VWA3B: variants seen among roughly 807,000 people sequenced by gnomAD.
The protein encoded by VWA3B is von Willebrand factor A domain containing 3B.
VWA3B carries 138 observed loss-of-function variants against 158.3 expected under a neutral mutation model. The ratio of observed to expected loss-of-function variants is 0.87; its 90% CI spans 0.76 to 1.00. The LOEUF (loss-of-function observed/expected upper bound fraction) is 1.00. VWA3B is among the 50% of genes least tolerant of loss of function. VWA3B has a pLI of 0.00. For missense variants in VWA3B, 1,555 were observed against 1,565.1 expected, an observed-to-expected ratio of 0.99 and a Z score of 0.11; for synonymous variants, 596 against 587.3, an observed-to-expected ratio of 1.01 and a Z score of -0.21.
chr2:98,288,962 G>A (rs892011823), intron 22 of VWA3B, among the ~76,000 whole-genome samples: 6 of 152,036 alleles, frequency 3.9e-5, no homozygotes, highest in Non-Finnish European at 5.9e-5. Context: ...TTCACAGTAC[G>A]TGTTTAAAAT....
chr2:98,168,451 A>G (rs562655015), intron 8 of VWA3B, among the ~76,000 whole-genome samples: 2 of 152,212 alleles, frequency 1.3e-5, no homozygotes, highest in Admixed American at 6.6e-5. Context: ...TTTTCAAAAA[A>G]TTCTTTGAAT....
chr2:98,207,368 C>T (rs990446569), intron 12 of VWA3B: 3 of 484,626 alleles, frequency 6.2e-6, no homozygotes, highest in Non-Finnish European at 1.2e-5. Context: ...ATCATGGATC[C>T]CAACATTGTT....
chr2:98,145,728 T>C (rs1677124989), intron 7 of VWA3B, among the ~76,000 whole-genome samples: 1 of 143,716 alleles, frequency 7.0e-6, no homozygotes. Context: ...TTCCTGAGTG[T>C]TTTTTTTTTG....
intron 9 of VWA3B, among the ~76,000 whole-genome samples, chr2:98,184,275 C>T (rs1680834417): frequency 6.6e-6 from 1 of 152,256 alleles, no homozygotes; most frequent in Non-Finnish European, 1.5e-5. Flanking sequence ...AGAGACAAGA[C>T]ACCTTTCTCC....
chr2:98,179,323 A>G (rs1680272444), intron 8 of VWA3B: 1 of 471,198 alleles, frequency 2.1e-6, no homozygotes, highest in Non-Finnish European at 4.4e-6. Flanking sequence ...CTCAGGTAAC[A>G]TAACACAGTC....
At chr2:98,176,012 C>CA (rs1558636612) in intron 8 of VWA3B, among the ~76,000 whole-genome samples, 1 of 152,200 alleles carries the variant, frequency 6.6e-6, no homozygotes, top group Non-Finnish European at 1.5e-5. Flanking sequence ...AGACGAGCTT[C>CA]TCTCTCACAC....
chr2:98,168,376 TACACACAC>T (rs148619678), intron 8 of VWA3B, among the ~76,000 whole-genome samples: 24 of 145,522 alleles, frequency 1.6e-4, no homozygotes, highest in African/African-American at 3.1e-4. Flanking sequence ...TACACACACA[TACACACAC>T]ACACACACAC....
intron 2 of VWA3B, among the ~76,000 whole-genome samples, chr2:98,100,114 G>A (rs1201917974): frequency 1.3e-5 from 2 of 152,180 alleles, no homozygotes; most frequent in Non-Finnish European, 2.9e-5. Context: ...GTGATGTCAT[G>A]TTTCCTGGAT....
chr2:98,307,490 A>G (rs4851960), intron 26 of VWA3B, among the ~76,000 whole-genome samples: 65,530 of 151,902 alleles, frequency 0.43, 14,568 homozygotes, highest in Non-Finnish European at 0.5. Flanking sequence ...ACAGGCTATG[A>G]CCTAACGCTT....
intron 17 of VWA3B, among the ~76,000 whole-genome samples, chr2:98,235,550 C>T (rs1362449041): frequency 2.0e-5 from 3 of 152,142 alleles, no homozygotes; most frequent in East Asian, 1.9e-4. Flanking sequence ...CTCAGCCTCC[C>T]GAGTAGCTGG....
intron 21 of VWA3B, among the ~76,000 whole-genome samples, chr2:98,265,526 C>A (rs898445571): frequency 1.3e-5 from 2 of 152,046 alleles, no homozygotes; most frequent in Admixed American, 6.5e-5. Flanking sequence ...GTCTTTATAG[C>A]AGCATGATTT....
At chr2:98,229,903 A>G (rs1685209025) in intron 15 of VWA3B, 147 bp from the exon 16 acceptor site, 3 of 883,406 alleles carry the variant, frequency 3.4e-6, no homozygotes, top group South Asian at 2.3e-5. Context: ...ATAAATGACT[A>G]TTTTTATATT....
At chr2:98,244,761 A>G (rs1031803561) in intron 19 of VWA3B, among the ~76,000 whole-genome samples, 2 of 152,204 alleles carry the variant, frequency 1.3e-5, no homozygotes, top group Non-Finnish European at 2.9e-5. Context: ...ATTTGTCTAT[A>G]AAGGAATTGA....
At chr2:98,241,373 A>G (rs1232755374) in intron 19 of VWA3B, among the ~76,000 whole-genome samples, 14 of 151,892 alleles carry the variant, frequency 9.2e-5, no homozygotes. Flanking sequence ...TTAGCAGAGG[A>G]GAAATTAATT....
chr2:98,288,631 C>T (rs114070313), intron 22 of VWA3B, among the ~76,000 whole-genome samples: 159 of 152,214 alleles, frequency 1.0e-3, no homozygotes, highest in African/African-American at 3.3e-3. Context: ...TCATATAGTT[C>T]GCTATTTTAT....
chr2:98,144,855 C>A (rs143724318), intron 7 of VWA3B, among the ~76,000 whole-genome samples: 1 of 152,146 alleles, frequency 6.6e-6, no homozygotes, highest in Non-Finnish European at 1.5e-5. Context: ...CATGAGCCAC[C>A]GCGTTATCCC....
chr2:98,142,393 T>G (rs1676847729), intron 7 of VWA3B, among the ~76,000 whole-genome samples: 1 of 152,184 alleles, frequency 6.6e-6, no homozygotes, highest in South Asian at 2.1e-4. Flanking sequence ...AGGCTCCCTT[T>G]TATCTGAGAA....
intron 12 of VWA3B, among the ~76,000 whole-genome samples, chr2:98,211,363 T>G (rs1340358989): frequency 6.6e-6 from 1 of 152,214 alleles, no homozygotes; most frequent in South Asian, 2.1e-4. Flanking sequence ...TAAATTAATA[T>G]GTATCTAAAA....
chr2:98,165,821 C>A (rs1348786518), intron 8 of VWA3B, among the ~76,000 whole-genome samples: 1 of 151,912 alleles, frequency 6.6e-6, no homozygotes, highest in East Asian at 1.9e-4. Flanking sequence ...GTAGTGACAC[C>A]CACTCGAAAA....
Sources: allele counts gnomAD v4.1 joint callset (sites outside exome capture counted in the v4.1 genomes callset), GRCh38; gene constraint gnomAD v4.1.1; transcripts MANE v1.5; gene names NCBI Gene and HGNC (gene_info 2026-07-23, HGNC 2026-07-21).